PRDM5: variants seen among roughly 807,000 people sequenced by gnomAD.
PRDM5 encodes the protein PR/SET domain 5, also known as PR domain zinc finger protein 5.
A neutral mutation model predicts 81.2 loss-of-function variants in PRDM5; 56 were observed. The ratio of observed to expected loss-of-function variants is 0.69; its 90% CI spans 0.56 to 0.86. PRDM5 has a LOEUF of 0.86. Ranked by LOEUF, PRDM5 falls within the 40% of genes least tolerant of loss-of-function variation. PRDM5 has a pLI of 0.00. For missense variants in PRDM5, 697 were observed against 770.1 expected (o/e 0.91, Z 1.12); for synonymous variants, 267 against 256.4 (o/e 1.04, Z -0.39).
At chr4:120,896,692 A>ATT (rs11415167) in intron 2 of PRDM5, 134 of 139,706 alleles carry the variant, frequency 9.6e-4, no homozygotes, top group African/African-American at 3.0e-3. Flanking sequence ...CACACACATA[A>ATT]TTTTTTTTTT....
At chr4:120,758,239 ATTG>A (rs1461450676) in intron 13 of PRDM5, among the ~76,000 whole-genome samples, 2 of 152,190 alleles carry the variant, frequency 1.3e-5, no homozygotes, top group Admixed American at 6.5e-5. Context: ...TAAATATGCT[ATTG>A]GTTCTTTTTT....
intron 14 of PRDM5, among the ~76,000 whole-genome samples, chr4:120,723,255 C>A (rs1459397167): frequency 6.6e-6 from 1 of 152,066 alleles, no homozygotes; most frequent in Non-Finnish European, 1.5e-5. Context: ...TTTTACACAG[C>A]AACATTTTTC....
chr4:120,856,963 T>C (rs1053677507), intron 2 of PRDM5, among the ~76,000 whole-genome samples: 1 of 152,188 alleles, frequency 6.6e-6, no homozygotes, highest in African/African-American at 2.4e-5. Context: ...GGGCCAATGA[T>C]GAAGTCAACA....
At chr4:120,851,392 T>C (rs1759248748) in intron 3 of PRDM5, among the ~76,000 whole-genome samples, 1 of 151,452 alleles carries the variant, frequency 6.6e-6, no homozygotes, top group African/African-American at 2.4e-5. Context: ...GATGTTCTCA[T>C]GGATGAGTTT....
In PRDM5 at chr4:120,880,036, C is replaced by G. The variant is rs1762690300; in HGVS notation, c.178-26496G>C. ...ACTATAGATCTCAATAATAATGTAT[C>G]AATATTGGTTCATCAAATGTAACAA... is the stretch of plus-strand genomic sequence containing the variant. On this transcript the variant is annotated intron_variant, in intron 2 of 15. Transcript: ENST00000264808. Among the ~76,000 whole-genome samples, 3 of 151,958 alleles carry G rather than the reference C, an allele frequency of 2.0e-5. No individual in the cohort carries two copies. The South Asian group carries it at 6.2e-4, about 32-fold the overall frequency.
intron 3 of PRDM5, among the ~76,000 whole-genome samples, chr4:120,830,089 A>T (rs767445706): frequency 2.6e-5 from 4 of 152,106 alleles, no homozygotes; most frequent in Non-Finnish European, 5.9e-5. Context: ...TCATTTCCAC[A>T]TTAAAATTCA....
intron 8 of PRDM5, among the ~76,000 whole-genome samples, chr4:120,802,301 T>A (rs1439500762): frequency 6.6e-6 from 1 of 152,164 alleles, no homozygotes; most frequent in Non-Finnish European, 1.5e-5. Context: ...TAGGAACAGC[T>A]CCAGTCCACA....
chr4:120,703,232 C>T (rs1325018561), intron 15 of PRDM5, among the ~76,000 whole-genome samples: 2 of 152,126 alleles, frequency 1.3e-5, no homozygotes, highest in Non-Finnish European at 2.9e-5. Flanking sequence ...GTCACCCAGG[C>T]TGGAGTGCAG....
At chr4:120,912,281 T>C (rs1163370863) in intron 1 of PRDM5, among the ~76,000 whole-genome samples, 2 of 152,190 alleles carry the variant, frequency 1.3e-5, no homozygotes, top group South Asian at 4.1e-4. Flanking sequence ...GGAAGCCAGA[T>C]ACATTATATG....
At chr4:120,918,571 T>G (rs1724491668) in intron 1 of PRDM5, among the ~76,000 whole-genome samples, 1 of 152,166 alleles carries the variant, frequency 6.6e-6, no homozygotes, top group South Asian at 2.1e-4. Context: ...TTTGTAAAAT[T>G]TGACTTTTGT....
At chr4:120,920,120 A>G (rs372314935) in intron 1 of PRDM5, among the ~76,000 whole-genome samples, 5 of 152,320 alleles carry the variant, frequency 3.3e-5, no homozygotes, top group East Asian at 1.9e-4. Flanking sequence ...AAGAGGTACC[A>G]CCAGCAAGAA....
Position 120,698,004 on chromosome 4 carries a change from C to T in PRDM5, c.1729-2729G>A, listed in dbSNP as rs568464645. Among the ~76,000 whole-genome samples, 30 of 151,782 alleles carry T rather than the reference C, an allele frequency of 2.0e-4. No homozygotes were observed. The East Asian group carries it at 4.6e-3, about 23-fold the overall frequency. On this transcript the variant is annotated intron_variant, in intron 15 of 15. Coordinates refer to ENST00000264808, the MANE Select transcript of PRDM5 (RefSeq NM_018699.4). Reference sequence around the variant, plus strand: ...GTCAATAGATTAATATTAATATTAGCTGACATTGGTTGGAAAATTGGGAAT... The same window carrying T: ...GTCAATAGATTAATATTAATATTAGTTGACATTGGTTGGAAAATTGGGAAT...
chr4:120,766,123 C>A (rs934769898), intron 13 of PRDM5, among the ~76,000 whole-genome samples: 2 of 152,110 alleles, frequency 1.3e-5, no homozygotes, highest in African/African-American at 4.8e-5. Context: ...CCACGCCCAG[C>A]TAATTTTTGT....
At chr4:120,816,352 G>A (rs747789278) in intron 7 of PRDM5, 101 bp downstream of exon 7, 1 of 1,593,326 alleles carries the variant, frequency 6.3e-7, no homozygotes, top group Non-Finnish European at 8.6e-7. Flanking sequence ...GAAACACAAT[G>A]GAAAAGCCAG....
intron 2 of PRDM5, chr4:120,896,680 C>G (rs1433520218): frequency 7.1e-5 from 10 of 140,334 alleles, no homozygotes; most frequent in African/African-American, 2.9e-4. Flanking sequence ...CACACACACA[C>G]ACACACACAT....
chr4:120,890,229 G>A (rs1191878180), intron 2 of PRDM5, among the ~76,000 whole-genome samples: 2 of 152,150 alleles, frequency 1.3e-5, no homozygotes, highest in African/African-American at 2.4e-5. Flanking sequence ...AAAGGAGCAG[G>A]CACCTCACAT....
chr4:120,732,292 T>A (rs554530465), intron 14 of PRDM5, among the ~76,000 whole-genome samples: 1 of 152,222 alleles, frequency 6.6e-6, no homozygotes, highest in Non-Finnish European at 1.5e-5. Context: ...GTACATAGTA[T>A]ATAATGATCA....
intron 14 of PRDM5, among the ~76,000 whole-genome samples, chr4:120,735,496 A>G (rs926346362): frequency 3.9e-5 from 6 of 152,132 alleles, no homozygotes; most frequent in African/African-American, 1.4e-4. Context: ...CACTTACAGG[A>G]CACTGGCCTT....
intron 14 of PRDM5, among the ~76,000 whole-genome samples, chr4:120,753,334 A>C (rs938997156): frequency 6.6e-5 from 10 of 152,186 alleles, no homozygotes; most frequent in Non-Finnish European, 1.3e-4. Context: ...TATCTGTCTA[A>C]TCCTTTATGG....
Sources: gnomAD v4.1 joint callset for allele counts (sites outside exome capture counted in the v4.1 genomes callset) on GRCh38, gnomAD v4.1.1 for gene constraint, MANE v1.5 for transcripts, NCBI Gene and HGNC (gene_info 2026-07-23, HGNC 2026-07-21) for gene names.